The following PHF6 variants were observed in gnomAD, a reference collection of about 807,000 sequenced individuals.
The protein encoded by PHF6 is PHD finger protein 6.
PHF6 carries 7 observed loss-of-function variants against 34.0 expected under a neutral mutation model. The ratio of observed to expected loss-of-function variants is 0.21; its 90% CI spans 0.12 to 0.39. The LOEUF (loss-of-function observed/expected upper bound fraction) is 0.39, where lower values mean the gene tolerates loss of function less well. PHF6 is among the 10% of genes least tolerant of loss of function. The probability of loss-of-function intolerance (pLI) is 1.00; values close to 1 mark genes in which losing one functional copy is unlikely to be tolerated. For missense variants in PHF6, 128 were observed against 262.8 expected, an observed-to-expected ratio of 0.49 and a Z score of 3.55; for synonymous variants, 89 against 88.4, an observed-to-expected ratio of 1.01 and a Z score of -0.04.
intron 9 of PHF6, among the ~76,000 whole-genome samples, chrX:134,421,508 C>T (rs2077491573): frequency 9.0e-6 from 1 of 111,034 alleles, no homozygotes; most frequent in Admixed American, 9.6e-5. Flanking sequence ...TTTTAAATAT[C>T]CAAAATCAGA....
intron 5 of PHF6, among the ~76,000 whole-genome samples, chrX:134,394,238 A>G (rs2077367186): frequency 1.8e-5 from 2 of 109,229 alleles, no homozygotes; most frequent in Admixed American, 2.0e-4. Flanking sequence ...GGTTCGAGCA[A>G]TTTTCCTGCC....
At position 134,414,118 on chromosome X, in the gene PHF6, T is replaced by C. The variant is rs2077462528; in HGVS notation, c.729+152T>C. On this transcript the variant is annotated intron_variant, in intron 7 of 10. Coordinates refer to ENST00000370803, the MANE Select transcript of PHF6 (RefSeq NM_001015877.2). ...CCCCACCAGCATTAGTATTTTAGAG[T>C]TATAAACAGTATATCTTATAATCCC... 5 of 508,895 alleles carry C rather than the reference T, an allele frequency of 9.8e-6. No individual in the cohort carries two copies. In the Middle Eastern group the frequency reaches 1.8e-3, roughly 181 times the overall value. The allele number at this position is 508,895 out of a possible 1,213,427, so 41.9% of individuals were successfully genotyped here.
At chrX:134,403,207 A>G (rs2077409677) in intron 5 of PHF6, among the ~76,000 whole-genome samples, 1 of 112,411 alleles carries the variant, frequency 8.9e-6, no homozygotes, top group African/African-American at 3.2e-5. Context: ...CAAACAGCCA[A>G]GTTGTGAATG....
At chrX:134,411,463 TA>T (rs1035493340) in intron 5 of PHF6, among the ~76,000 whole-genome samples, 45 of 110,569 alleles carry the variant, frequency 4.1e-4, no homozygotes, top group Non-Finnish European at 7.2e-4. Context: ...AGATGTTTAA[TA>T]AATAACATTA....
At chrX:134,414,028 C>T (rs2077462097) in intron 7 of PHF6, 62 bp downstream of exon 7, 2 of 1,131,117 alleles carry the variant, frequency 1.8e-6, no homozygotes, top group South Asian at 3.7e-5. Flanking sequence ...TTTGTTTCCC[C>T]TGTGATCTAA....
intron 4 of PHF6, 25 bp downstream of exon 4, chrX:134,393,659 T>C (rs1030582462): frequency 9.2e-7 from 1 of 1,087,573 alleles, no homozygotes; most frequent in African/African-American, 1.9e-5. Flanking sequence ...TCTCTTTAAG[T>C]TTTTTTTTTA....
intron 3 of PHF6, among the ~76,000 whole-genome samples, chrX:134,386,003 A>G (rs1264893847): frequency 1.8e-5 from 2 of 112,030 alleles, no homozygotes; most frequent in African/African-American, 6.5e-5. Flanking sequence ...AGAATGGCAC[A>G]GGAGAGCTGG....
At chrX:134,401,163 C>G (rs1322555005) in intron 5 of PHF6, among the ~76,000 whole-genome samples, 2 of 111,236 alleles carry the variant, frequency 1.8e-5, no homozygotes, top group African/African-American at 3.3e-5. Context: ...ACCAGTACAC[C>G]AACGCTCCTC....
chrX:134,390,959 TTTTTTTC>T (rs1454733580), intron 3 of PHF6, among the ~76,000 whole-genome samples: 1 of 101,246 alleles, frequency 9.9e-6, no homozygotes, highest in Admixed American at 1.3e-4. Context: ...TTTCTTTTTC[TTTTTTTC>T]TTTTTTTTTT....
intron 2 of PHF6, 25 bp downstream of exon 2, chrX:134,377,780 A>G (rs767314368): frequency 1.7e-6 from 2 of 1,200,060 alleles, no homozygotes; most frequent in South Asian, 3.5e-5. Flanking sequence ...AGCAACAGAG[A>G]CCTTGAAACG....
chrX:134,382,440 G>A (rs962190928), intron 3 of PHF6, among the ~76,000 whole-genome samples: 1 of 111,053 alleles, frequency 9.0e-6, no homozygotes, highest in African/African-American at 3.3e-5. Context: ...TTATGAGTTA[G>A]CACTGCTTTT....
chrX:134,382,092 G>A (rs184701983), intron 3 of PHF6, among the ~76,000 whole-genome samples: 21 of 111,603 alleles, frequency 1.9e-4, no homozygotes, highest in Admixed American at 1.7e-3. Flanking sequence ...TAGAGCAGGA[G>A]GTGTGAGTGT....
At chrX:134,379,163 AAT>A (rs1271104103) in intron 3 of PHF6, among the ~76,000 whole-genome samples, 2 of 111,380 alleles carry the variant, frequency 1.8e-5, no homozygotes, top group African/African-American at 6.5e-5. Context: ...GATCAGGAAT[AAT>A]ATGTTTTGAA....
At chrX:134,411,692 G>C (rs1266103233) in intron 5 of PHF6, among the ~76,000 whole-genome samples, 2 of 111,262 alleles carry the variant, frequency 1.8e-5, no homozygotes, top group Admixed American at 9.6e-5. Context: ...GATTGAAACA[G>C]TTATGATTTT....
At chrX:134,403,302 A>T (rs2077410168) in intron 5 of PHF6, among the ~76,000 whole-genome samples, 1 of 112,042 alleles carries the variant, frequency 8.9e-6, no homozygotes, top group Non-Finnish European at 1.9e-5. Flanking sequence ...CCTATTGCTG[A>T]TATGGGGAAA....
intron 3 of PHF6, among the ~76,000 whole-genome samples, chrX:134,380,292 G>A (rs894581493): frequency 7.4e-5 from 8 of 108,461 alleles, no homozygotes; most frequent in African/African-American, 2.0e-4. Flanking sequence ...GACTACAGGC[G>A]CCCATCACTG....
In PHF6 at chrX:134,413,581, C is replaced by G. The variant is rs778991856; in HGVS notation, c.509C>G (p.Thr170Ser). 8.3e-6 allele frequency: 10 copies of G among 1,211,100 alleles called. No homozygotes were observed. Among genetic ancestry groups the G allele is most frequent in the Non-Finnish European group, 1.1e-5 (10 of 895,234 alleles). ...KKSRKGRPRKTNFKGLSEDTR... is the reference protein window; with the variant it reads ...KKSRKGRPRKSNFKGLSEDTR... ...AGTCGCAAAGGAAGGCCAAGAAAAA[C>G]TAATTTTAAAGGGCTGTCAGAAGAT... Residue 170 changes from threonine (T) to serine (S), a missense_variant, in exon 6 of 11, where the codon ACT (threonine) becomes AGT (serine). Physicochemically the swap from Thr to Ser is moderately conservative, Grantham distance 58. Transcript: ENST00000370803.
chrX:134,413,661 A>G lies in PHF6; in HGVS notation c.585+4A>G, dbSNP rs1213894999. 1 of 1,208,567 alleles carries G rather than the reference A, an allele frequency of 8.3e-7. No individual in the cohort carries two copies. The highest frequency in any genetic ancestry group is 1.7e-5 in the African/African-American group (1 of 57,332). On this transcript the variant is annotated splice_donor_region_variant and intron_variant, in intron 6 of 10. Coordinates refer to ENST00000370803, the MANE Select transcript of PHF6 (RefSeq NM_001015877.2). The stretch of plus-strand genomic sequence containing the variant: ...TGAAATGGAAAGTAGTTCCTATGTA[A>G]GTAAAAAAAACTGTTGGATTCTTAC...
At chrX:134,380,535 C>A (rs1208474461) in intron 3 of PHF6, among the ~76,000 whole-genome samples, 1 of 110,183 alleles carries the variant, frequency 9.1e-6, no homozygotes, top group South Asian at 3.8e-4. Context: ...TAATTTTTTC[C>A]CCAAATGTAG....
Sources: allele counts gnomAD v4.1 joint callset (sites outside exome capture counted in the v4.1 genomes callset), GRCh38; gene constraint gnomAD v4.1.1; transcripts MANE v1.5; gene names NCBI Gene and HGNC (gene_info 2026-07-23, HGNC 2026-07-21).